The following TYW3 variants were observed in gnomAD, a reference collection of about 807,000 sequenced individuals.
The protein encoded by TYW3 is tRNA wybutosine-synthesizing protein 3 homolog.
In TYW3, 26 loss-of-function variants were observed where a neutral mutation model predicts 23.1. The observed-to-expected ratio is 1.13, with a 90% CI of 0.83 to 1.56. The LOEUF (loss-of-function observed/expected upper bound fraction) is 1.56, where lower values mean the gene tolerates loss of function less well. Ranked by LOEUF, TYW3 falls within the 40% of genes most tolerant of loss-of-function variation. The probability of loss-of-function intolerance (pLI) is 0.00; values close to 1 mark genes in which losing one functional copy is unlikely to be tolerated. For synonymous variants in TYW3, 102 were observed against 105.7 expected (o/e 0.97, Z 0.21); for missense variants, 316 against 311.9 (o/e 1.01, Z -0.10).
At chr1:74,760,101 T>A (rs145299620) in intron 5 of TYW3, among the ~76,000 whole-genome samples, 1,540 of 152,320 alleles carry the variant, frequency 0.01, 8 homozygotes, top group Middle Eastern at 0.027. Flanking sequence ...AAAAATGTTA[T>A]TAAGAAAATC....
At chr1:74,740,145 T>G (rs1456419675) in intron 3 of TYW3, among the ~76,000 whole-genome samples, 1 of 152,166 alleles carries the variant, frequency 6.6e-6, no homozygotes, top group Non-Finnish European at 1.5e-5. Flanking sequence ...TGTCCGGAGT[T>G]TGTTCCTTCA....
At chr1:74,746,521 A>G (rs1411011872) in intron 3 of TYW3, among the ~76,000 whole-genome samples, 7 of 152,240 alleles carry the variant, frequency 4.6e-5, no homozygotes, top group African/African-American at 1.7e-4. Context: ...TTGGAAAGCT[A>G]ACATTTCAGG....
At chr1:74,746,339 A>G (rs1465256226) in intron 3 of TYW3, among the ~76,000 whole-genome samples, 3 of 152,226 alleles carry the variant, frequency 2.0e-5, no homozygotes, top group Admixed American at 2.0e-4. Context: ...TCATGGCTTC[A>G]GTCTCTGCTC....
intron 3 of TYW3, among the ~76,000 whole-genome samples, chr1:74,747,437 A>T (rs1298746575): frequency 6.6e-6 from 1 of 151,824 alleles, no homozygotes; most frequent in Non-Finnish European, 1.5e-5. Flanking sequence ...GGAGATCGAG[A>T]CCATCCCGGC....
chr1:74,749,691 G>T (rs1025727258), intron 4 of TYW3, among the ~76,000 whole-genome samples: 6 of 152,208 alleles, frequency 3.9e-5, no homozygotes, highest in African/African-American at 1.4e-4. Context: ...GCCTGGCCAG[G>T]CGTGGTGGCT....
At chr1:74,758,446 A>G (rs28600209) in intron 5 of TYW3, among the ~76,000 whole-genome samples, 16 of 145,334 alleles carry the variant, frequency 1.1e-4, no homozygotes, top group East Asian at 8.5e-4. Flanking sequence ...GATTCTTATC[A>G]TCATTTACCA....
intron 5 of TYW3, among the ~76,000 whole-genome samples, chr1:74,762,444 T>C (rs933351112): frequency 1.5e-4 from 23 of 152,166 alleles, no homozygotes; most frequent in African/African-American, 5.5e-4. Context: ...CAGATCATTC[T>C]GATTTGAGAC....
chr1:74,750,542 C>A (rs1648745816), intron 4 of TYW3, among the ~76,000 whole-genome samples: 1 of 151,692 alleles, frequency 6.6e-6, no homozygotes, highest in African/African-American at 2.4e-5. Context: ...CCAGCCTGGG[C>A]AACAGAGCAA....
intron 4 of TYW3, among the ~76,000 whole-genome samples, chr1:74,749,812 TG>T (rs1436775803): frequency 6.6e-6 from 1 of 151,904 alleles, no homozygotes; most frequent in Non-Finnish European, 1.5e-5. Context: ...AAAAATTAGC[TG>T]GGCGTGGTGG....
At position 74,738,642 on chromosome 1, in the gene TYW3, A is replaced by G. The variant is rs769357652; in HGVS notation, c.256-48A>G. ...TTATGTATGGGGTAAAGGGTCGCCA[A>G]AGGACAGGCCATATACTTGCATCTG... On this transcript the variant is annotated intron_variant, in intron 2 of 5. Transcript: ENST00000370867. 1.4e-5 allele frequency: 19 copies of G among 1,381,194 alleles called. No individual in the cohort carries two copies. The East Asian group carries it at 3.4e-4, about 25-fold the overall frequency. 85.6% of individuals were successfully genotyped at this position (1,381,194 alleles called of 1,614,324 possible).
intron 2 of TYW3, among the ~76,000 whole-genome samples, chr1:74,738,095 C>G (rs1431299540): frequency 6.9e-6 from 1 of 145,486 alleles, no homozygotes; most frequent in Non-Finnish European, 1.5e-5. Context: ...CAAAAACAAA[C>G]AAGTGAACAG....
At chr1:74,748,393 C>T (rs1453695109) in intron 3 of TYW3, among the ~76,000 whole-genome samples, 1 of 152,174 alleles carries the variant, frequency 6.6e-6, no homozygotes, top group African/African-American at 2.4e-5. Flanking sequence ...AAACATTGTA[C>T]TCATTTTAAA....
chr1:74,744,507 A>G (rs112349332), intron 3 of TYW3, among the ~76,000 whole-genome samples: 99 of 152,244 alleles, frequency 6.5e-4, no homozygotes, highest in Middle Eastern at 3.4e-3. Flanking sequence ...GGTGTCTGGT[A>G]TTTAGCCCCC....
chr1:74,739,363 A>G (rs972189349), intron 3 of TYW3, among the ~76,000 whole-genome samples: 6 of 152,154 alleles, frequency 3.9e-5, no homozygotes, highest in African/African-American at 1.4e-4. Flanking sequence ...GTGAACTGGC[A>G]AAAAAACAAA....
In TYW3 at chr1:74,748,755, C is replaced by T; in HGVS notation, c.359C>T (p.Ser120Phe). Reference protein sequence around the residue: ...RQLQDAQILHSMAIDSGFRNS... With the variant: ...RQLQDAQILHFMAIDSGFRNS... ...ACAAGTTTTATTTTCTTACAGCATTCCATGGCAATAGATTCTGGTTTCAGG... is the reference window on the plus strand; with the variant it reads ...ACAAGTTTTATTTTCTTACAGCATTTCATGGCAATAGATTCTGGTTTCAGG... Residue 120 changes from serine to phenylalanine, a missense_variant, in exon 4 of 6, where the codon TCC becomes TTC. Physicochemically the swap from Ser to Phe is radical, Grantham distance 155 (BLOSUM62 -2). Coordinates refer to ENST00000370867, the MANE Select transcript of TYW3 (RefSeq NM_138467.3). 6.2e-7 allele frequency: 1 copy of T among 1,613,900 alleles called. No homozygotes were observed. Among genetic ancestry groups the T allele is most frequent in the South Asian group, 1.1e-5 (1 of 91,070 alleles).
intron 3 of TYW3, among the ~76,000 whole-genome samples, chr1:74,741,145 A>G (rs1435071739): frequency 1.3e-5 from 2 of 152,206 alleles, no homozygotes; most frequent in African/African-American, 4.8e-5. Context: ...CACAAAGAGT[A>G]TGGTTAGTAT....
chr1:74,733,340 G>A lies in TYW3; in HGVS notation c.96G>A (p.Glu32=), dbSNP rs1304355962. Residue 32 remains glutamate, a synonymous_variant, in exon 1 of 6, where the codon GAG becomes GAA. Coordinates refer to ENST00000370867, the MANE Select transcript of TYW3 (RefSeq NM_138467.3). ...RKGSVDEDVV[E]LVQFLNMRDQ... ...GCAGTGTTGACGAGGATGTGGTAGA[G>A]CTTGTGCAGTTTCTGAACATGCGAG... is the stretch of plus-strand genomic sequence containing the variant. 6.2e-7 allele frequency: 1 copy of A among 1,614,216 alleles called. No homozygotes were observed. The highest frequency in any genetic ancestry group is 8.5e-7 in the Non-Finnish European group (1 of 1,180,040).
At chr1:74,743,965 A>G (rs1648454804) in intron 3 of TYW3, among the ~76,000 whole-genome samples, 1 of 152,128 alleles carries the variant, frequency 6.6e-6, no homozygotes, top group South Asian at 2.1e-4. Context: ...ATCTGCTTTA[A>G]ATCAGAGAGG....
At chr1:74,736,754 G>A in intron 2 of TYW3, 132 bp downstream of exon 2, 1 of 672,002 alleles carries the variant, frequency 1.5e-6, no homozygotes. Flanking sequence ...AACCTAGAGA[G>A]CTTTCATTAC....
Sources: allele counts gnomAD v4.1 joint callset (sites outside exome capture counted in the v4.1 genomes callset), GRCh38; gene constraint gnomAD v4.1.1; transcripts MANE v1.5; gene names NCBI Gene and HGNC (gene_info 2026-07-23, HGNC 2026-07-21).